The following SIM2 variants were observed in gnomAD, a reference collection of about 807,000 sequenced individuals.
SIM2 encodes the protein SIM bHLH transcription factor 2.
Under a neutral mutation model 64.8 loss-of-function variants are expected in SIM2, and 28 were observed. That is an observed-to-expected ratio of 0.43 (90% CI 0.32 to 0.59). The LOEUF (loss-of-function observed/expected upper bound fraction) is 0.59, where lower values mean the gene tolerates loss of function less well. Among genes scored for constraint, SIM2 ranks in the 20% least tolerant of loss-of-function variants. The pLI, the probability that SIM2 is intolerant of heterozygous loss-of-function variation, is 0.07. For synonymous variants in SIM2, 408 were observed against 391.1 expected (o/e 1.04, Z -0.51); for missense variants, 847 against 871.4 (o/e 0.97, Z 0.35).
intron 7 of SIM2, among the ~76,000 whole-genome samples, chr21:36,737,881 GAACCCA>G (rs2089087584): frequency 7.1e-6 from 1 of 140,808 alleles, no homozygotes; most frequent in African/African-American, 2.7e-5. Context: ...AGAATCTCTT[GAACCCA>G]GGAGACGGAG....
intron 1 of SIM2, among the ~76,000 whole-genome samples, chr21:36,706,642 G>A (rs1244668778): frequency 6.6e-6 from 1 of 152,188 alleles, no homozygotes; most frequent in Non-Finnish European, 1.5e-5. Flanking sequence ...TAGTCTCTGC[G>A]TTTAGACCAA....
At chr21:36,731,794 G>A (rs904671501) in intron 7 of SIM2, among the ~76,000 whole-genome samples, 8 of 152,226 alleles carry the variant, frequency 5.3e-5, no homozygotes, top group African/African-American at 1.7e-4. Flanking sequence ...CAACGGAGGC[G>A]GTTTGGGAAC....
rs1306120545 is a variant in SIM2, at chr21:36,745,772, C to T, written c.1576+636C>T. On this transcript the variant is annotated intron_variant, in intron 10 of 10. Coordinates refer to ENST00000290399, the MANE Select transcript of SIM2 (RefSeq NM_005069.6). The surrounding 1 kb of genome is among the most constrained non-coding windows in gnomAD (Gnocchi z 4.8). ...TGCTAGTTCAACAGAAAGGAATGGCCTTTCACCTTCTCCTGGTGGCAGGCA... is the reference window on the plus strand; with the variant it reads ...TGCTAGTTCAACAGAAAGGAATGGCTTTTCACCTTCTCCTGGTGGCAGGCA... The T allele has an allele frequency of 4.6e-6, 6 of 1,303,138 alleles. No homozygotes were observed. Among genetic ancestry groups the T allele is most frequent in the Non-Finnish European group, 6.1e-6 (6 of 988,124 alleles). 80.7% of individuals were successfully genotyped at this position (1,303,138 alleles called of 1,614,324 possible).
intron 1 of SIM2, among the ~76,000 whole-genome samples, chr21:36,701,898 T>TG (rs1417466974): frequency 6.6e-6 from 1 of 152,232 alleles, no homozygotes; most frequent in Non-Finnish European, 1.5e-5. Context: ...GGGCACTCAC[T>TG]GCCTTCTGCC....
At chr21:36,709,665 T>A in intron 2 of SIM2, 1 of 356,990 alleles carries the variant, frequency 2.8e-6, no homozygotes, top group South Asian at 2.1e-5. Flanking sequence ...CCGCTGTGTG[T>A]GTGCAAGGGG....
chr21:36,710,031 C>G (rs1315845694), intron 2 of SIM2: 1 of 156,062 alleles, frequency 6.4e-6, no homozygotes, highest in Non-Finnish European at 1.4e-5. Flanking sequence ...AGGCTGGTCT[C>G]GATCTCCTGA....
At chr21:36,714,163 G>T (rs948861405) in intron 3 of SIM2, among the ~76,000 whole-genome samples, 1 of 152,180 alleles carries the variant, frequency 6.6e-6, no homozygotes, top group African/African-American at 2.4e-5. Flanking sequence ...TTAGAATCAT[G>T]CAGGGCCCTT....
At chr21:36,722,746 C>T (rs1006100476) in intron 4 of SIM2, among the ~76,000 whole-genome samples, 4 of 152,324 alleles carry the variant, frequency 2.6e-5, no homozygotes, top group African/African-American at 7.2e-5. Flanking sequence ...CTGGAGCCCA[C>T]GGCCCCCAGG....
chr21:36,731,415 G>A (rs1424826647), intron 7 of SIM2, among the ~76,000 whole-genome samples: 1 of 152,206 alleles, frequency 6.6e-6, no homozygotes, highest in Admixed American at 6.5e-5. Flanking sequence ...GATTGTGGAT[G>A]TGGAACCTAA....
chr21:36,721,328 G>T (rs146121771), intron 4 of SIM2, among the ~76,000 whole-genome samples: 1 of 152,152 alleles, frequency 6.6e-6, no homozygotes, highest in South Asian at 2.1e-4. Flanking sequence ...CACCTGAATC[G>T]AATTCTTTCA....
intron 1 of SIM2, among the ~76,000 whole-genome samples, chr21:36,708,332 G>T (rs907814274): frequency 6.6e-6 from 1 of 152,264 alleles, no homozygotes; most frequent in African/African-American, 2.4e-5. Context: ...TGCAGCAGGA[G>T]GGGAGTCCTG....
rs1568943141 is a variant in SIM2, at chr21:36,745,768, T to A, written c.1576+632T>A. Reference sequence around the variant, plus strand: ...TACATGCTAGTTCAACAGAAAGGAATGGCCTTTCACCTTCTCCTGGTGGCA... The same window carrying A: ...TACATGCTAGTTCAACAGAAAGGAAAGGCCTTTCACCTTCTCCTGGTGGCA... On this transcript the variant is annotated intron_variant, in intron 10 of 10. Transcript: ENST00000290399. This position sits in a 1 kb window ranked among gnomAD's most constrained non-coding sequence, Gnocchi z 4.8. 7.7e-7 allele frequency: 1 copy of A among 1,302,582 alleles called. No homozygotes were observed. Among genetic ancestry groups the A allele is most frequent in the South Asian group, 1.2e-5 (1 of 80,908 alleles). 80.7% of individuals were successfully genotyped at this position (1,302,582 alleles called of 1,614,324 possible). A position where few individuals can be genotyped will look rare whatever the true frequency, so the allele number is the denominator to read the frequency against.
chr21:36,742,397 T>C (rs1170305457), intron 8 of SIM2, among the ~76,000 whole-genome samples: 2 of 150,422 alleles, frequency 1.3e-5, no homozygotes. Context: ...CAGTCGCAAA[T>C]GCCTTTTTTT....
rs765288514 is a variant in SIM2 at position 36,749,756 on chromosome 21, G to C, written c.*1664G>C. On this transcript the variant is annotated 3_prime_UTR_variant, in exon 11 of 11. Transcript: ENST00000290399. ...AAAGGTGTAGGTTTGATTACTAGGA[G>C]ATACCACCGACATTTTTCAATAAAG... The C allele has an allele frequency of 1.3e-5, 2 of 152,122 alleles. No individual in the cohort carries two copies. The highest frequency in any genetic ancestry group is 2.4e-5 in the African/African-American group (1 of 41,436). The allele number at this position is 152,122 out of a possible 1,614,324, so 9.4% of individuals were successfully genotyped here. A position where few individuals can be genotyped will look rare whatever the true frequency, so the allele number is the denominator to read the frequency against.
intron 2 of SIM2, chr21:36,710,035 C>T: frequency 6.4e-6 from 1 of 156,236 alleles, no homozygotes. Flanking sequence ...TGGTCTCGAT[C>T]TCCTGACCTC....
intron 6 of SIM2, among the ~76,000 whole-genome samples, chr21:36,728,744 A>C (rs1568934350): frequency 6.6e-6 from 1 of 152,150 alleles, no homozygotes; most frequent in Non-Finnish European, 1.5e-5. Flanking sequence ...AGGACAGCAG[A>C]GTGGCCAAGC....
chr21:36,701,675 C>A (rs1468527411), intron 1 of SIM2: 1 of 152,406 alleles, frequency 6.6e-6, no homozygotes, highest in Non-Finnish European at 1.5e-5. Context: ...CAGCTGAGAG[C>A]TGTTGCCCAA....
Position 36,699,543 on chromosome 21 carries a change from C to A in SIM2, c.-204C>A, listed in dbSNP as rs2088452662. 1 of 403,796 alleles carries A rather than the reference C, an allele frequency of 2.5e-6. No homozygotes were observed. The highest frequency in any genetic ancestry group is 4.5e-5 in the East Asian group (1 of 22,048). The allele number at this position is 403,796 out of a possible 1,614,324, so 25.0% of individuals were successfully genotyped here. A position where few individuals can be genotyped will look rare whatever the true frequency, so the allele number is the denominator to read the frequency against. ...GCGCTCCGGGCAGCGGCGGGCGGCG[C>A]CGCCGGGTTGCTCGGAGCTCAGGCC... is the stretch of plus-strand genomic sequence containing the variant. On this transcript the variant is annotated 5_prime_UTR_variant, in exon 1 of 11. Coordinates refer to ENST00000290399, the MANE Select transcript of SIM2 (RefSeq NM_005069.6). The surrounding 1 kb of genome is among the most constrained non-coding windows in gnomAD (Gnocchi z 5.6).
intron 5 of SIM2, among the ~76,000 whole-genome samples, chr21:36,725,296 G>A (rs1389947633): frequency 4.6e-5 from 7 of 152,160 alleles, no homozygotes; most frequent in African/African-American, 1.7e-4. Flanking sequence ...GCTGCAGTGA[G>A]CCTGATTGCA....
Sources: gnomAD v4.1 joint callset for allele counts (sites outside exome capture counted in the v4.1 genomes callset) on GRCh38, gnomAD v4.1.1 for gene constraint, Gnocchi (gnomAD v3.1) non-coding constraint, MANE v1.5 for transcripts, NCBI Gene and HGNC (gene_info 2026-07-23, HGNC 2026-07-21) for gene names.